LRRC23: variants seen among roughly 807,000 people sequenced by gnomAD.
LRRC23 encodes the protein leucine-rich repeat-containing protein 23.
LRRC23 carries 28 observed loss-of-function variants against 37.7 expected under a neutral mutation model. The observed-to-expected ratio is 0.74, with a 90% CI of 0.55 to 1.02. LRRC23 has a LOEUF of 1.02. LRRC23 is among the 50% of genes least tolerant of loss of function. The pLI, the probability that LRRC23 is intolerant of heterozygous loss-of-function variation, is 0.00. For synonymous variants in LRRC23, 161 were observed against 165.4 expected (o/e 0.97, Z 0.20); for missense variants, 377 against 413.2 (o/e 0.91, Z 0.76).
chr12:6,905,314 A>G (rs1555139318), intron 1 of LRRC23: 8 of 250,072 alleles, frequency 3.2e-5, no homozygotes, highest in South Asian at 3.0e-4. Context: ...AGGGAAGCCC[A>G]GGAAATAGGG....
At position 6,911,527 on chromosome 12, in the gene LRRC23, G is replaced by C. The variant is rs112211882; in HGVS notation, c.759-1203G>C. Among the ~76,000 whole-genome samples, 402 of 152,106 alleles carry C rather than the reference G, an allele frequency of 2.6e-3. 3 individuals are homozygous for C. The highest frequency in any genetic ancestry group is 9.4e-3 in the African/African-American group (388 of 41,488). On this transcript the variant is annotated intron_variant, in intron 6 of 7. Coordinates refer to ENST00000443597, the MANE Select transcript of LRRC23 (RefSeq NM_001135217.2). ...GGGTGTGTGTGTGGAGGGGGGTGAGGGTGTCTCAATGATTGGCAGGTGCCT... is the reference window on the plus strand; with the variant it reads ...GGGTGTGTGTGTGGAGGGGGGTGAGCGTGTCTCAATGATTGGCAGGTGCCT...
intron 7 of LRRC23, 44 bp downstream of exon 7, chr12:6,913,071 G>A: frequency 6.3e-7 from 1 of 1,579,854 alleles, no homozygotes; most frequent in Non-Finnish European, 8.6e-7. Flanking sequence ...GCCAAGGGCT[G>A]GGCAGGTAGG....
intron 6 of LRRC23, among the ~76,000 whole-genome samples, chr12:6,910,235 C>T (rs1378511526): frequency 2.0e-5 from 3 of 152,116 alleles, no homozygotes; most frequent in Admixed American, 6.6e-5. Flanking sequence ...ATTCAATCCA[C>T]AATTATTGAG....
chr12:6,906,285 C>T, intron 3 of LRRC23, 124 bp from the exon 4 acceptor site: 1 of 917,946 alleles, frequency 1.1e-6, no homozygotes, highest in Non-Finnish European at 1.7e-6. Flanking sequence ...CCCCTACCAT[C>T]TGTTGCCCAT....
In LRRC23 at chr12:6,905,245, G is replaced by C. The variant is rs1458413776; in HGVS notation, c.-50+170G>C. The C allele has an allele frequency of 2.5e-5, 5 of 202,086 alleles. No individual in the cohort carries two copies. In the East Asian group the frequency reaches 6.7e-4, roughly 27 times the overall value. 12.5% of individuals were successfully genotyped at this position (202,086 alleles called of 1,614,324 possible). A position where few individuals can be genotyped will look rare whatever the true frequency, so the allele number is the denominator to read the frequency against. ...ATGGGAGCTGAGAGGAGAGGAGGAG[G>C]AATTGGTAGGGAAGATTGGAGAGCA... On this transcript the variant is annotated intron_variant, in intron 1 of 7. Coordinates refer to ENST00000443597, the MANE Select transcript of LRRC23 (RefSeq NM_001135217.2).
Position 6,913,902 on chromosome 12 carries a change from C to A in LRRC23, c.*36C>A, listed in dbSNP as rs782425495. On this transcript the variant is annotated 3_prime_UTR_variant, in exon 8 of 8. Transcript: ENST00000443597. The stretch of plus-strand genomic sequence containing the variant: ...TCTTCTACCTCCAGGAGATCAAAGA[C>A]GCTGGCCTTCAGACCTGATCAGACT... The A allele has an allele frequency of 6.3e-7, 1 of 1,591,836 alleles. No homozygotes were observed. Among genetic ancestry groups the A allele is most frequent in the Middle Eastern group, 1.7e-4 (1 of 5,914 alleles).
intron 4 of LRRC23, 100 bp downstream of exon 4, chr12:6,906,762 C>T: frequency 1.8e-6 from 2 of 1,118,130 alleles, no homozygotes; most frequent in Non-Finnish European, 1.3e-6. Context: ...TGGCAGTCTG[C>T]ATTCATTCAT....
intron 4 of LRRC23, 123 bp downstream of exon 4, chr12:6,906,785 G>T (rs1316496025): frequency 2.8e-6 from 3 of 1,060,458 alleles, no homozygotes; most frequent in Non-Finnish European, 2.8e-6. Flanking sequence ...ATTCAGATAC[G>T]CAATATGATT....
rs1945091996 is a variant in LRRC23 at position 6,909,377 on chromosome 12, T to TA, written c.622-513_622-512insA. Among the ~76,000 whole-genome samples the TA allele has an allele frequency of 5.9e-5, 2 of 34,174 alleles. 1 individual carries two copies. Among genetic ancestry groups the TA allele is most frequent in the African/African-American group, 4.0e-4 (2 of 4,992 alleles). The allele number at this position is 34,174 out of a possible 152,430, so 22.4% of individuals were successfully genotyped here. On this transcript the variant is annotated intron_variant, in intron 5 of 7. Coordinates refer to ENST00000443597, the MANE Select transcript of LRRC23 (RefSeq NM_001135217.2). ...TAATAGTATATTATATATAATATAT[T>TA]TTATATAATATATAAATATTATATA...
chr12:6,912,883 G>A lies in LRRC23; in HGVS notation c.912G>A (p.Lys304=). ...VQMPYLERLD[K]EFYEEEERAE... ...TGCCATACCTTGAACGCCTGGACAA[G>A]GAATTCTATGAGGAGGAGGAACGGG... The change falls in exon 7 of 8, where the codon AAG becomes AAA. Residue 304 remains lysine (K), a synonymous_variant. Coordinates refer to ENST00000443597, the MANE Select transcript of LRRC23 (RefSeq NM_001135217.2). 1.9e-6 allele frequency: 3 copies of A among 1,614,166 alleles called. No homozygotes were observed. Among genetic ancestry groups the A allele is most frequent in the Non-Finnish European group, 2.5e-6 (3 of 1,180,040 alleles).
At chr12:6,909,190 T>A (rs1366794092) in intron 5 of LRRC23, among the ~76,000 whole-genome samples, 1 of 21,910 alleles carries the variant, frequency 4.6e-5, no homozygotes, top group Non-Finnish European at 6.1e-5. Flanking sequence ...AATTATATAT[T>A]ATATATAATA....
chr12:6,906,959 A>G (rs1418498600), intron 4 of LRRC23, among the ~76,000 whole-genome samples: 1 of 152,196 alleles, frequency 6.6e-6, no homozygotes, highest in Non-Finnish European at 1.5e-5. Context: ...CCTTGGAAAA[A>G]ATAGATCAGA....
Position 6,914,167 on chromosome 12 carries a change from G to A in LRRC23, c.*301G>A. 1.7e-6 allele frequency: 2 copies of A among 1,210,402 alleles called. No homozygotes were observed. Among genetic ancestry groups the A allele is most frequent in the Admixed American group, 2.5e-5 (1 of 40,240 alleles). 75.0% of individuals were successfully genotyped at this position (1,210,402 alleles called of 1,614,324 possible). A position where few individuals can be genotyped will look rare whatever the true frequency, so the allele number is the denominator to read the frequency against. On this transcript the variant is annotated 3_prime_UTR_variant, in exon 8 of 8. Transcript: ENST00000443597. The surrounding 1 kb of genome is among the most constrained non-coding windows in gnomAD (Gnocchi z 7.1). The stretch of plus-strand genomic sequence containing the variant: ...TGGGCCGCGGGGTGCTGGTAGGAGT[G>A]GTTGGAGAGACTTGCGAAGGCGGCT...
In LRRC23 at chr12:6,907,640, G is replaced by A. The variant is rs889870550; in HGVS notation, c.621+195G>A. On this transcript the variant is annotated intron_variant, in intron 5 of 7. Transcript: ENST00000443597. ...CAGGGCTGATAATATATAATGTGTG[G>A]ATAATACAGAGATAATTTACCTTGA... 3 of 646,162 alleles carry A rather than the reference G, an allele frequency of 4.6e-6. No individual in the cohort carries two copies. The African/African-American group carries it at 5.4e-5, about 12-fold the overall frequency. 40.0% of individuals were successfully genotyped at this position (646,162 alleles called of 1,614,324 possible).
intron 4 of LRRC23, among the ~76,000 whole-genome samples, chr12:6,907,004 A>C (rs1199797811): frequency 6.6e-6 from 1 of 152,200 alleles, no homozygotes; most frequent in African/African-American, 2.4e-5. Flanking sequence ...GGCAATGTCA[A>C]ATAGATTGGT....
At position 6,906,548 on chromosome 12, in the gene LRRC23, C is replaced by T. The variant is rs1289377349; in HGVS notation, c.376C>T (p.Arg126Ter). The change falls in exon 4 of 8, where the codon CGA (arginine) becomes TGA (stop). Residue 126 changes from arginine (R) to a stop codon, truncating the protein, a stop_gained. Coordinates refer to ENST00000443597, the MANE Select transcript of LRRC23 (RefSeq NM_001135217.2). LOFTEE classifies it high-confidence loss of function. ...GCTCAAGGCTGATGGCAATCGGCTG[C>T]GAAGTGCCCAGATGAATGAACTGCC... The part of the protein sequence containing the change: ...LWLKADGNRL[R>*]SAQMNELPYL... The T allele has an allele frequency of 7.4e-6, 12 of 1,614,102 alleles. 1 individual carries two copies. The highest frequency in any genetic ancestry group is 6.7e-5 in the African/African-American group (5 of 74,930).
chr12:6,908,926 GACCT>G (rs1286181635), intron 5 of LRRC23, among the ~76,000 whole-genome samples: 1 of 139,482 alleles, frequency 7.2e-6, no homozygotes, highest in Non-Finnish European at 1.5e-5. Flanking sequence ...AAGTTCCTGA[GACCT>G]GCCCCTGAGG....
chr12:6,906,795 T>A, intron 4 of LRRC23, 133 bp downstream of exon 4: 1 of 992,052 alleles, frequency 1.0e-6, no homozygotes, highest in Non-Finnish European at 1.5e-6. Context: ...GCAATATGAT[T>A]CATTATGACA....
intron 5 of LRRC23, 127 bp downstream of exon 5, chr12:6,907,572 C>A (rs939906872): frequency 2.7e-5 from 27 of 1,012,804 alleles, no homozygotes; most frequent in Non-Finnish European, 3.8e-5. Context: ...ATTATCAAGA[C>A]CATAGTTGGT....
Sources: allele counts gnomAD v4.1 joint callset (sites outside exome capture counted in the v4.1 genomes callset), GRCh38; gene constraint gnomAD v4.1.1; non-coding constraint Gnocchi (gnomAD v3.1); transcripts MANE v1.5; gene names NCBI Gene and HGNC (gene_info 2026-07-23, HGNC 2026-07-21).